ITPR1: variants seen among roughly 807,000 people sequenced by gnomAD.
ITPR1 encodes the protein inositol 1,4,5-trisphosphate receptor type 1.
Under a neutral mutation model 318.4 loss-of-function variants are expected in ITPR1, and 96 were observed. The observed-to-expected ratio is 0.30, with a 90% CI of 0.26 to 0.36. The LOEUF (loss-of-function observed/expected upper bound fraction) is 0.36, where lower values mean the gene tolerates loss of function less well. Among genes scored for constraint, ITPR1 ranks in the 10% least tolerant of loss-of-function variants. The pLI, the probability that ITPR1 is intolerant of heterozygous loss-of-function variation, is 1.00. For missense variants in ITPR1, 2,440 were observed against 3,460.2 expected (o/e 0.71, Z 7.40); for synonymous variants, 1,312 against 1,289.9 (o/e 1.02, Z -0.37).
rs1329729582 is a variant in ITPR1, at chr3:4,620,744, C to T, written c.164-7019C>T. Among the ~76,000 whole-genome samples the T allele has an allele frequency of 2.8e-5, 4 of 141,550 alleles. No individual in the cohort carries two copies. The East Asian group carries it at 6.2e-4, about 22-fold the overall frequency. 92.9% of individuals were successfully genotyped at this position (141,550 alleles called of 152,430 possible). ...AGAGAGTAGAAAGGGCCTTTTTCTG[C>T]TCTGTGAAGCTTTGAATCAAGTTCA... On this transcript the variant is annotated intron_variant, in intron 4 of 61. Transcript: ENST00000649015.
At chr3:4,532,391 G>GTCTTGCT (rs1296688116) in intron 4 of ITPR1, among the ~76,000 whole-genome samples, 1 of 152,008 alleles carries the variant, frequency 6.6e-6, no homozygotes, top group East Asian at 1.9e-4. Context: ...TTGAGATAGG[G>GTCTTGCT]TCTTGCTCTG....
chr3:4,742,772 T>G (rs1192101193), intron 44 of ITPR1, among the ~76,000 whole-genome samples: 1 of 152,222 alleles, frequency 6.6e-6, no homozygotes, highest in African/African-American at 2.4e-5. Flanking sequence ...ATTAATAATA[T>G]TTTTATTTAT....
chr3:4,496,348 C>T (rs1268743236), intron 2 of ITPR1, among the ~76,000 whole-genome samples: 4 of 151,710 alleles, frequency 2.6e-5, no homozygotes, highest in Non-Finnish European at 5.9e-5. Flanking sequence ...TGCATATGTA[C>T]ACTGAAAGTA....
At position 4,707,205 on chromosome 3, in the gene ITPR1, C is replaced by T. The variant is rs575038380; in HGVS notation, c.4842+854C>T. Among the ~76,000 whole-genome samples, 26 of 152,348 alleles carry T rather than the reference C, an allele frequency of 1.7e-4. No individual in the cohort carries two copies. In the South Asian group the frequency reaches 4.8e-3, roughly 28 times the overall value. ...TAATATGTCCCAGTTACCTGTATTT[C>T]GTGCAGTAAATCACAACAATTACCT... On this transcript the variant is annotated intron_variant, in intron 37 of 61. Transcript: ENST00000649015.
At chr3:4,684,054 G>A (rs776084178) in intron 28 of ITPR1, among the ~76,000 whole-genome samples, 3 of 152,216 alleles carry the variant, frequency 2.0e-5, no homozygotes, top group Non-Finnish European at 4.4e-5. Flanking sequence ...TTCCCTTACA[G>A]ACCCACTTGG....
At chr3:4,840,098 T>C (rs1294181934) in intron 61 of ITPR1, among the ~76,000 whole-genome samples, 1 of 144,658 alleles carries the variant, frequency 6.9e-6, no homozygotes, top group African/African-American at 2.6e-5. Context: ...AAGGAAGTAG[T>C]CAGTGTTTTC....
At chr3:4,839,467 C>A (rs2051178797) in intron 61 of ITPR1, among the ~76,000 whole-genome samples, 1 of 152,170 alleles carries the variant, frequency 6.6e-6, no homozygotes, top group African/African-American at 2.4e-5. Context: ...AGCTCCTGAT[C>A]ATCCAGTCAG....
intron 42 of ITPR1, among the ~76,000 whole-genome samples, chr3:4,731,651 A>C (rs1201469766): frequency 6.6e-6 from 1 of 152,196 alleles, no homozygotes; most frequent in African/African-American, 2.4e-5. Flanking sequence ...ATGAATTAAC[A>C]GAGTAGATAA....
At chr3:4,614,290 G>A (rs546356137) in intron 4 of ITPR1, among the ~76,000 whole-genome samples, 1 of 152,256 alleles carries the variant, frequency 6.6e-6, no homozygotes, top group East Asian at 1.9e-4. Flanking sequence ...AATAACGATT[G>A]TGAAATTCAT....
At chr3:4,629,739 T>C (rs2092954969) in intron 5 of ITPR1, among the ~76,000 whole-genome samples, 1 of 152,310 alleles carries the variant, frequency 6.6e-6, no homozygotes, top group East Asian at 1.9e-4. Flanking sequence ...CACAAAGCTG[T>C]GGGAGCACAT....
intron 2 of ITPR1, among the ~76,000 whole-genome samples, chr3:4,512,925 G>C (rs1446328225): frequency 1.5e-5 from 2 of 129,058 alleles, no homozygotes; most frequent in Admixed American, 7.8e-5. Flanking sequence ...GCCTGCCCTC[G>C]TGTATGTCAG....
At chr3:4,800,393 A>T in intron 53 of ITPR1, 32 bp from the exon 54 acceptor site, 1 of 1,606,254 alleles carries the variant, frequency 6.2e-7, no homozygotes, top group South Asian at 1.1e-5. Flanking sequence ...GAAGGCACAG[A>T]TTTGTGAGAG....
intron 18 of ITPR1, among the ~76,000 whole-genome samples, chr3:4,668,554 G>A (rs1291785819): frequency 6.6e-6 from 1 of 151,636 alleles, no homozygotes; most frequent in Admixed American, 6.6e-5. Flanking sequence ...TGCAACCTCC[G>A]CCTCCCGGGT....
intron 40 of ITPR1, among the ~76,000 whole-genome samples, chr3:4,723,409 C>A (rs13075137): frequency 1.3e-5 from 2 of 151,844 alleles, no homozygotes; most frequent in Non-Finnish European, 2.9e-5. Flanking sequence ...TTTTCTCAAA[C>A]GGCTTCGTAA....
intron 23 of ITPR1, among the ~76,000 whole-genome samples, chr3:4,675,606 A>T (rs1462647823): frequency 1.3e-5 from 2 of 152,206 alleles, no homozygotes; most frequent in African/African-American, 4.8e-5. Context: ...TAACAAATAC[A>T]TGTCCTATCA....
chr3:4,657,618 C>A (rs983976678), intron 12 of ITPR1, among the ~76,000 whole-genome samples: 4 of 152,058 alleles, frequency 2.6e-5, no homozygotes, highest in African/African-American at 9.7e-5. Flanking sequence ...CAGGCGCCTG[C>A]CACCACGCCC....
chr3:4,675,770 G>A (rs2094171966), intron 23 of ITPR1, among the ~76,000 whole-genome samples: 1 of 152,182 alleles, frequency 6.6e-6, no homozygotes, highest in Non-Finnish European at 1.5e-5. Flanking sequence ...AGAGTAGGCA[G>A]ATATTGGTAT....
intron 52 of ITPR1, among the ~76,000 whole-genome samples, 183 bp downstream of exon 52, chr3:4,788,322 G>C (rs1025290907): frequency 5.3e-5 from 8 of 152,220 alleles, no homozygotes; most frequent in Non-Finnish European, 1.0e-4. Flanking sequence ...TCAAGCCAAA[G>C]TATGATAACT....
intron 55 of ITPR1, 27 bp from the exon 56 acceptor site, chr3:4,811,238 T>G: frequency 4.7e-6 from 7 of 1,493,856 alleles, no homozygotes; most frequent in Non-Finnish European, 5.4e-6. Context: ...CAAGGCTTCT[T>G]AAAATTCTTT....
Sources: allele counts gnomAD v4.1 joint callset (sites outside exome capture counted in the v4.1 genomes callset), GRCh38; gene constraint gnomAD v4.1.1; transcripts MANE v1.5; gene names NCBI Gene and HGNC (gene_info 2026-07-23, HGNC 2026-07-21).